The following DSCAM variants were observed in gnomAD, a reference collection of about 807,000 sequenced individuals.
DSCAM encodes cell adhesion molecule DSCAM.
In DSCAM, 47 loss-of-function variants were observed where a neutral mutation model predicts 217.7. That is an observed-to-expected ratio of 0.22 (90% CI 0.17 to 0.28). DSCAM has a LOEUF of 0.28. Among genes scored for constraint, DSCAM ranks in the 10% least tolerant of loss-of-function variants. DSCAM has a pLI of 1.00. For synonymous variants in DSCAM, 1,056 were observed against 1,015.3 expected (o/e 1.04, Z -0.76); for missense variants, 2,080 against 2,618.3 (o/e 0.79, Z 4.49).
intron 1 of DSCAM, among the ~76,000 whole-genome samples, chr21:40,800,908 GT>G (rs1296695848): frequency 1.3e-5 from 2 of 150,546 alleles, no homozygotes; most frequent in Non-Finnish European, 3.0e-5. Context: ...TGGAGACGGG[GT>G]TTCACTATGT....
chr21:40,832,239 TAATA>T (rs1194087773), intron 1 of DSCAM, among the ~76,000 whole-genome samples: 2 of 152,360 alleles, frequency 1.3e-5, no homozygotes, highest in East Asian at 3.9e-4. Context: ...TCACATCTAG[TAATA>T]AATCATAAAT....
At chr21:40,329,900 G>T (rs1157500913) in intron 8 of DSCAM, among the ~76,000 whole-genome samples, 2 of 151,938 alleles carry the variant, frequency 1.3e-5, no homozygotes. Context: ...TACTGGGGAG[G>T]TGTGTGTCAA....
chr21:40,565,158 CCTGCTCTGCTACCCACCATGG>C (rs1330071420), intron 3 of DSCAM, among the ~76,000 whole-genome samples: 1 of 152,192 alleles, frequency 6.6e-6, no homozygotes. Context: ...TCCAGCCAGA[CCTGCTCTGCTACCCACCATGG>C]CTACTGGGTG....
intron 20 of DSCAM, among the ~76,000 whole-genome samples, chr21:40,108,662 G>T (rs1601337206): frequency 6.6e-6 from 1 of 152,028 alleles, no homozygotes; most frequent in Non-Finnish European, 1.5e-5. Context: ...TAAAAATTCA[G>T]TTGGAACCAA....
At chr21:40,194,563 C>T (rs61092633) in intron 11 of DSCAM, among the ~76,000 whole-genome samples, 1 of 152,064 alleles carries the variant, frequency 6.6e-6, no homozygotes, top group Non-Finnish European at 1.5e-5. Context: ...TTGTGTGCTG[C>T]GTGCCTCTCT....
chr21:40,773,296 T>C (rs1382435173), intron 1 of DSCAM, among the ~76,000 whole-genome samples: 3 of 152,212 alleles, frequency 2.0e-5, no homozygotes, highest in African/African-American at 7.2e-5. Context: ...ATGTAGGCAG[T>C]GTTAATTCCC....
chr21:40,688,209 C>T (rs960410015), intron 3 of DSCAM, among the ~76,000 whole-genome samples: 4 of 152,118 alleles, frequency 2.6e-5, no homozygotes, highest in Non-Finnish European at 5.9e-5. Context: ...TTTCCAAATC[C>T]GGTTACCCCT....
intron 8 of DSCAM, among the ~76,000 whole-genome samples, chr21:40,337,637 A>G (rs1187934809): frequency 6.6e-6 from 1 of 152,214 alleles, no homozygotes; most frequent in African/African-American, 2.4e-5. Flanking sequence ...CTTTAAACAT[A>G]TAATTTCTAT....
intron 11 of DSCAM, among the ~76,000 whole-genome samples, chr21:40,272,101 A>G (rs973573347): frequency 2.0e-5 from 3 of 150,464 alleles, no homozygotes; most frequent in African/African-American, 4.9e-5. Context: ...ACATAAAGTC[A>G]TTCCCTGGGC....
In DSCAM at chr21:40,133,858, C is replaced by G; in HGVS notation, c.3558G>C (p.Glu1186Asp). Residue 1186 changes from glutamate (E) to aspartate (D), a missense_variant, in exon 19 of 33, where the codon GAG (glutamate) becomes GAC (aspartate). Coordinates refer to ENST00000400454, the MANE Select transcript of DSCAM (RefSeq NM_001389.5). The stretch of plus-strand genomic sequence containing the variant: ...CACCGCCCACCCGTCTCTCACCATC[C>G]TCTTTGGTCCGGGTGAAGATCTGCT... The part of the protein sequence containing the change: ...RSEQIFTRTK[E>D]DVPGPPAGVK... 1 of 1,604,136 alleles carries G rather than the reference C, an allele frequency of 6.2e-7. No individual in the cohort carries two copies. The highest frequency in any genetic ancestry group is 2.3e-5 in the East Asian group (1 of 44,420).
intron 3 of DSCAM, among the ~76,000 whole-genome samples, chr21:40,667,740 C>T (rs1007881464): frequency 6.6e-6 from 1 of 152,124 alleles, no homozygotes; most frequent in Non-Finnish European, 1.5e-5. Flanking sequence ...TCTCTCCTGT[C>T]GCCATGTGAA....
intron 2 of DSCAM, among the ~76,000 whole-genome samples, chr21:40,707,083 A>T (rs936614805): frequency 4.6e-5 from 7 of 152,396 alleles, no homozygotes; most frequent in Admixed American, 4.6e-4. Context: ...ATGATAGTTA[A>T]AACAGGAGTA....
chr21:40,250,412 T>C (rs1189723182), intron 11 of DSCAM, among the ~76,000 whole-genome samples: 1 of 152,222 alleles, frequency 6.6e-6, no homozygotes, highest in Non-Finnish European at 1.5e-5. Flanking sequence ...TGACACTATG[T>C]GGTAAGCTGC....
chr21:40,818,776 T>C (rs2091904544), intron 1 of DSCAM, among the ~76,000 whole-genome samples: 1 of 152,000 alleles, frequency 6.6e-6, no homozygotes, highest in African/African-American at 2.4e-5. Context: ...TTTGAAGATG[T>C]GATAAAATCT....
chr21:40,236,900 G>A (rs1468129560), intron 11 of DSCAM, among the ~76,000 whole-genome samples: 2 of 152,120 alleles, frequency 1.3e-5, no homozygotes, highest in Non-Finnish European at 2.9e-5. Context: ...GAGAAGCCAT[G>A]GACAGCTTTA....
intron 3 of DSCAM, among the ~76,000 whole-genome samples, chr21:40,485,972 T>C (rs1412367147): frequency 6.6e-6 from 1 of 152,224 alleles, no homozygotes; most frequent in Admixed American, 6.5e-5. Context: ...GCATATTCTT[T>C]TAACTTGCTT....
At chr21:40,375,088 T>C (rs2074936761) in intron 3 of DSCAM, among the ~76,000 whole-genome samples, 1 of 152,200 alleles carries the variant, frequency 6.6e-6, no homozygotes, top group African/African-American at 2.4e-5. Flanking sequence ...AAAAAAAATA[T>C]CCTGAAGTTC....
intron 3 of DSCAM, among the ~76,000 whole-genome samples, chr21:40,517,664 G>C (rs932736505): frequency 6.6e-6 from 1 of 152,122 alleles, no homozygotes; most frequent in Non-Finnish European, 1.5e-5. Context: ...ACAGGACAGT[G>C]CATGTCATAA....
chr21:40,751,078 A>G (rs1263994318), intron 1 of DSCAM, among the ~76,000 whole-genome samples: 2 of 152,108 alleles, frequency 1.3e-5, no homozygotes, highest in Non-Finnish European at 2.9e-5. Flanking sequence ...CTCCCTTGCT[A>G]ACCCTGCTCT....
Sources: gnomAD v4.1 joint callset for allele counts (sites outside exome capture counted in the v4.1 genomes callset) on GRCh38, gnomAD v4.1.1 for gene constraint, MANE v1.5 for transcripts, NCBI Gene and HGNC (gene_info 2026-07-23, HGNC 2026-07-21) for gene names.